The following MGAT5 variants were observed in gnomAD, a reference collection of about 807,000 sequenced individuals.
MGAT5 encodes alpha-1,6-mannosylglycoprotein 6-beta-N-acetylglucosaminyltransferase, also known as alpha-1,6-mannosylglycoprotein 6-beta-N-acetylglucosaminyltransferase A.
MGAT5 carries 30 observed loss-of-function variants against 94.3 expected under a neutral mutation model. That is an observed-to-expected ratio of 0.32 (90% CI 0.24 to 0.43). MGAT5 has a LOEUF of 0.43. Ranked by LOEUF, MGAT5 falls within the 20% of genes least tolerant of loss-of-function variation. The pLI, the probability that MGAT5 is intolerant of heterozygous loss-of-function variation, is 1.00. For synonymous variants in MGAT5, 310 were observed against 322.9 expected, an observed-to-expected ratio of 0.96 and a Z score of 0.43; for missense variants, 691 against 905.5, an observed-to-expected ratio of 0.76 and a Z score of 3.04.
chr2:134,385,211 G>C (rs750249943), intron 10 of MGAT5, among the ~76,000 whole-genome samples: 1 of 152,054 alleles, frequency 6.6e-6, no homozygotes, highest in Non-Finnish European at 1.5e-5. Context: ...CTTATCCTTC[G>C]TCTATGAGAT....
chr2:134,247,936 G>A (rs571112708), intron 1 of MGAT5, among the ~76,000 whole-genome samples: 2 of 152,244 alleles, frequency 1.3e-5, no homozygotes, highest in East Asian at 3.9e-4. Context: ...CTCCAAGAAA[G>A]GTTCCCGGGT....
chr2:134,382,949 AAAGT>A lies in MGAT5; in HGVS notation c.1381-20035_1381-20032del, dbSNP rs112559369. Among the ~76,000 whole-genome samples the A allele has an allele frequency of 4.8e-3, 737 of 152,356 alleles. 11 individuals are homozygous for A. The highest frequency in any genetic ancestry group is 0.017 in the African/African-American group (696 of 41,580). ...ATAAACTGATGAAATATAAATGTGA[AAAGT>A]AAGAGCACGCACTTCTATATAAACT... On this transcript the variant is annotated intron_variant, in intron 10 of 15. Transcript: ENST00000281923.
Position 134,257,836 on chromosome 2 carries a change from C to CCTTTTTTTTTTTTTTTTTT in MGAT5, c.241+3192_241+3193insCTTTTTTTTTTTTTTTTTT, listed in dbSNP as rs781189819. ...TGCATAGGCCATTAGTTTGCAGTCTCTTTTTTTTTTTTTTTTTTTGCCATA... is the reference window on the plus strand; with the variant it reads ...TGCATAGGCCATTAGTTTGCAGTCTCCTTTTTTTTTTTTTTTTTTTTTTTTTTTTTTTTTTTTTGCCATA... On this transcript the variant is annotated intron_variant, in intron 1 of 15. Transcript: ENST00000281923. 6.6e-5 allele frequency among the ~76,000 whole-genome samples: 7 copies of CCTTTTTTTTTTTTTTTTTT among 106,414 alleles called. 3 individuals carry two copies. The highest frequency in any genetic ancestry group is 5.5e-5 in the Non-Finnish European group (3 of 54,240). The allele number at this position is 106,414 out of a possible 152,430, so 69.8% of individuals were successfully genotyped here. A position where few individuals can be genotyped will look rare whatever the true frequency, so the allele number is the denominator to read the frequency against.
At chr2:134,135,648 C>T (rs550310376) in intron 1 of MGAT5, among the ~76,000 whole-genome samples, 5 of 145,306 alleles carry the variant, frequency 3.4e-5, no homozygotes, top group South Asian at 2.2e-4. Flanking sequence ...GCCGAGATCG[C>T]GCCACTGCAC....
At chr2:134,156,943 C>T (rs897140572) in intron 1 of MGAT5, among the ~76,000 whole-genome samples, 1 of 152,104 alleles carries the variant, frequency 6.6e-6, no homozygotes, top group Non-Finnish European at 1.5e-5. Context: ...CAGGGTTTCT[C>T]GTTCTATAAA....
upstream of MGAT5, among the ~76,000 whole-genome samples, chr2:134,253,785 G>A (rs1216920079): frequency 6.6e-6 from 1 of 152,158 alleles, no homozygotes; most frequent in African/African-American, 2.4e-5. Context: ...CCTCTTCTTT[G>A]TCTAGTTACC....
chr2:134,304,714 A>G (rs986858829), intron 2 of MGAT5, among the ~76,000 whole-genome samples: 2 of 152,198 alleles, frequency 1.3e-5, no homozygotes, highest in Non-Finnish European at 2.9e-5. Context: ...AAGGGCCGGG[A>G]GAAGTTCTAA....
rs1687071923 is a variant in MGAT5, at chr2:134,317,623, A to G, written c.483+18A>G. On this transcript the variant is annotated intron_variant, in intron 3 of 15. Transcript: ENST00000281923. ...AGATCAAGGTAAGGCAGAGGCAAGC[A>G]TCATCCCCAATCTGCACAAACACCC... is the stretch of plus-strand genomic sequence containing the variant. 6.8e-7 allele frequency: 1 copy of G among 1,479,886 alleles called. No homozygotes were observed. Among genetic ancestry groups the G allele is most frequent in the Admixed American group, 2.4e-5 (1 of 41,966 alleles). 91.7% of individuals were successfully genotyped at this position (1,479,886 alleles called of 1,614,324 possible). A position where few individuals can be genotyped will look rare whatever the true frequency, so the allele number is the denominator to read the frequency against.
At chr2:134,410,933 C>T (rs1553462554) in intron 11 of MGAT5, among the ~76,000 whole-genome samples, 2 of 152,190 alleles carry the variant, frequency 1.3e-5, no homozygotes, top group African/African-American at 4.8e-5. Flanking sequence ...TGCCCAACCA[C>T]GGCCTGACAG....
chr2:134,424,557 C>G (rs990872770), intron 13 of MGAT5, among the ~76,000 whole-genome samples: 2 of 152,224 alleles, frequency 1.3e-5, no homozygotes, highest in Non-Finnish European at 2.9e-5. Context: ...CCAAAAGCTT[C>G]ACTACTGGAG....
chr2:134,158,704 C>A (rs1558962329), intron 1 of MGAT5, among the ~76,000 whole-genome samples: 2 of 152,352 alleles, frequency 1.3e-5, no homozygotes, highest in East Asian at 3.9e-4. Context: ...CGCTGGCTGC[C>A]CTGTCCCACC....
At chr2:134,166,188 G>A (rs574051415) in intron 1 of MGAT5, among the ~76,000 whole-genome samples, 15 of 152,280 alleles carry the variant, frequency 9.9e-5, no homozygotes, top group African/African-American at 2.6e-4. Context: ...TGAGATGATC[G>A]CAGAGACAGT....
intron 2 of MGAT5, among the ~76,000 whole-genome samples, chr2:134,308,143 G>A (rs967002815): frequency 2.0e-5 from 3 of 152,138 alleles, no homozygotes; most frequent in Admixed American, 6.5e-5. Flanking sequence ...ATACAGTGGT[G>A]TTACTAGTAG....
chr2:134,396,775 C>T (rs1479425364), intron 10 of MGAT5, among the ~76,000 whole-genome samples: 2 of 152,334 alleles, frequency 1.3e-5, no homozygotes, highest in South Asian at 2.1e-4. Context: ...TCTGCCAAGC[C>T]TACTGGTTCT....
At position 134,129,677 on chromosome 2, in the gene MGAT5, CTT is replaced by C. The variant is rs58781832; in HGVS notation, c.-143+9400_-143+9401del. On this transcript the variant is annotated intron_variant, in intron 1 of 16. Transcript: ENST00000409645. ...CTAAGGCCAGATGTTGAGCTGAGTACTTTTTTTTTTTTTTTACTTTTTTTACT... is the reference window on the plus strand; with the variant it reads ...CTAAGGCCAGATGTTGAGCTGAGTACTTTTTTTTTTTTTACTTTTTTTACT... 1.1e-3 allele frequency among the ~76,000 whole-genome samples: 163 copies of C among 145,444 alleles called. 1 individual carries two copies. The highest frequency in any genetic ancestry group is 2.9e-3 in the African/African-American group (118 of 40,032).
chr2:134,224,317 G>A (rs186247238), intron 1 of MGAT5, among the ~76,000 whole-genome samples: 8 of 152,322 alleles, frequency 5.3e-5, no homozygotes, highest in Admixed American at 5.2e-4. Context: ...TGTGTAAAGT[G>A]CTATGAATGA....
intron 1 of MGAT5, among the ~76,000 whole-genome samples, chr2:134,165,408 G>A (rs1171600314): frequency 6.6e-6 from 1 of 152,198 alleles, no homozygotes; most frequent in East Asian, 1.9e-4. Context: ...ACTTTGGTGA[G>A]TTGGAGCTGG....
intron 1 of MGAT5, among the ~76,000 whole-genome samples, chr2:134,200,131 T>C: frequency 6.7e-6 from 1 of 149,892 alleles, no homozygotes; most frequent in African/African-American, 2.5e-5. Flanking sequence ...TGTCCCTGCC[T>C]CCCTACCCCG....
At position 134,404,625 on chromosome 2, in the gene MGAT5, A is replaced by AT. The variant is rs1299667060; in HGVS notation, c.1530+1489dup. 9.8e-5 allele frequency among the ~76,000 whole-genome samples: 15 copies of AT among 152,344 alleles called. No individual in the cohort carries two copies. The East Asian group carries it at 2.7e-3, about 27-fold the overall frequency. On this transcript the variant is annotated intron_variant, in intron 11 of 15. Coordinates refer to ENST00000281923, the MANE Select transcript of MGAT5 (RefSeq NM_002410.5). ...GGACACCCACTAGCCAAAAGAATGT[A>AT]TATCTCCTCTTTGCCTCAGTTTCTC...
Sources: gnomAD v4.1 joint callset for allele counts (sites outside exome capture counted in the v4.1 genomes callset) on GRCh38, gnomAD v4.1.1 for gene constraint, MANE v1.5 for transcripts, NCBI Gene and HGNC (gene_info 2026-07-23, HGNC 2026-07-21) for gene names.